PFKM: variants seen among roughly 807,000 people sequenced by gnomAD.
The protein encoded by PFKM is ATP-dependent 6-phosphofructokinase, muscle type.
Under a neutral mutation model 95.5 loss-of-function variants are expected in PFKM, and 58 were observed. The ratio of observed to expected loss-of-function variants is 0.61; its 90% CI spans 0.49 to 0.76. PFKM has a LOEUF of 0.76. PFKM is among the 30% of genes least tolerant of loss of function. The pLI is 0.00. For missense variants in PFKM, 678 were observed against 1,005.4 expected, an observed-to-expected ratio of 0.67 and a Z score of 4.40; for synonymous variants, 336 against 357.2, an observed-to-expected ratio of 0.94 and a Z score of 0.67.
chr12:48,129,227 T>TTTTTTTTTTTTTTTTTTTTTTTTG, intron 2 of PFKM, among the ~76,000 whole-genome samples: 1 of 123,940 alleles, frequency 8.1e-6, no homozygotes, highest in Non-Finnish European at 1.7e-5. Context: ...TTTTTTTTTT[T>TTTTTTTTTTTTTTTTTTTTTTTTG]TTTTTTTTTT....
At chr12:48,135,673 A>T (rs1400731197) in intron 10 of PFKM, among the ~76,000 whole-genome samples, 2 of 152,176 alleles carry the variant, frequency 1.3e-5, no homozygotes, top group African/African-American at 4.8e-5. Flanking sequence ...GTAGATTCAC[A>T]TGCAGTTGTA....
intron 3 of PFKM, among the ~76,000 whole-genome samples, chr12:48,114,313 G>A (rs1293128005): frequency 1.3e-5 from 2 of 152,194 alleles, no homozygotes. Context: ...GAGCCTAAAC[G>A]CTGGCTGATT....
In PFKM at chr12:48,145,948, T is replaced by G. The variant is rs1951010509; in HGVS notation, c.*240T>G. ...TATCTGTCACACAAGGCTGGGCACC[T>G]CTAGTGCTACTGCTAGATATCACTT... On this transcript the variant is annotated 3_prime_UTR_variant, in exon 23 of 23. Transcript: ENST00000359794. This position sits in a 1 kb window ranked among gnomAD's most constrained non-coding sequence, Gnocchi z 4.3. 1.8e-6 allele frequency: 1 copy of G among 552,366 alleles called. No homozygotes were observed. The highest frequency in any genetic ancestry group is 1.9e-5 in the African/African-American group (1 of 53,052). The allele number at this position is 552,366 out of a possible 1,614,324, so 34.2% of individuals were successfully genotyped here.
At chr12:48,133,083 G>T (rs1465305145) in intron 5 of PFKM, 26 bp downstream of exon 5, 1 of 1,603,680 alleles carries the variant, frequency 6.2e-7, no homozygotes, top group South Asian at 1.1e-5. Flanking sequence ...CATCAGTATT[G>T]CTTATTTGTG....
chr12:48,111,539 A>G (rs1476210344), intron 3 of PFKM, among the ~76,000 whole-genome samples: 6 of 152,236 alleles, frequency 3.9e-5, no homozygotes, highest in Non-Finnish European at 7.3e-5. Flanking sequence ...AGTTAAGACA[A>G]TGAGTTCAGC....
Position 48,145,258 on chromosome 12 carries a change from G to T in PFKM, c.2141G>T (p.Arg714Leu). ...TPDSGCVLGM[R>L]KRALVFQPVA... ...GATTCGGGCTGTGTTCTGGGGATGCGTAAGAGGGCTCTGGTCTTCCAACCA... is the reference window on the plus strand; with the variant it reads ...GATTCGGGCTGTGTTCTGGGGATGCTTAAGAGGGCTCTGGTCTTCCAACCA... The change falls in exon 22 of 23, where the codon CGT becomes CTT. Residue 714 changes from arginine to leucine, a missense_variant. Transcript: ENST00000359794. The surrounding 1 kb of genome is among the most constrained non-coding windows in gnomAD (Gnocchi z 4.3). The T allele has an allele frequency of 6.2e-7, 1 of 1,614,116 alleles. No individual in the cohort carries two copies. Among genetic ancestry groups the T allele is most frequent in the Non-Finnish European group, 8.5e-7 (1 of 1,179,998 alleles).
chr12:48,105,821 G>T, upstream of PFKM: 2 of 595,460 alleles, frequency 3.4e-6, no homozygotes, highest in Admixed American at 3.0e-5. Context: ...GTAGCCTAAC[G>T]GCCACCGGCG....
chr12:48,131,186 G>A (rs1211396753), intron 3 of PFKM, 130 bp from the exon 4 acceptor site: 5 of 732,124 alleles, frequency 6.8e-6, no homozygotes, highest in Non-Finnish European at 1.0e-5. Context: ...ATAGTCTCAC[G>A]AGCATCCAGG....
rs1410871467 is a variant in PFKM at position 48,146,349 on chromosome 12, TCTTTGC to T, written c.*642_*647del. On this transcript the variant is annotated 3_prime_UTR_variant, in exon 23 of 23. Coordinates refer to ENST00000359794, the MANE Select transcript of PFKM (RefSeq NM_000289.6). Reference sequence around the variant, plus strand: ...GTCAGGGAATAAGGCAGCCAAATACTCTTTGCACAGTTCTTTAGTGGGAAGAGAAAT... The same window carrying T: ...GTCAGGGAATAAGGCAGCCAAATACTACAGTTCTTTAGTGGGAAGAGAAAT... 1 of 155,024 alleles carries T rather than the reference TCTTTGC, an allele frequency of 6.5e-6. No homozygotes were observed. Among genetic ancestry groups the T allele is most frequent in the Non-Finnish European group, 1.4e-5 (1 of 69,804 alleles). The allele number at this position is 155,024 out of a possible 1,614,324, so 9.6% of individuals were successfully genotyped here.
chr12:48,141,609 A>AG (rs1950579665), intron 15 of PFKM, 131 bp from the exon 16 acceptor site: 1 of 718,402 alleles, frequency 1.4e-6, no homozygotes, highest in South Asian at 1.4e-5. Flanking sequence ...AGGGTGGGCT[A>AG]GGGAGGGCGG....
chr12:48,132,658 C>T (rs1949629862), intron 4 of PFKM: 1 of 604,252 alleles, frequency 1.7e-6, no homozygotes, highest in Non-Finnish European at 3.0e-6. Context: ...GCAGTCTTCT[C>T]AGATGTGTAG....
chr12:48,134,227 T>TG lies in PFKM; in HGVS notation c.594-4dup. The TG allele has an allele frequency of 6.2e-7, 1 of 1,613,566 alleles. No individual in the cohort carries two copies. Among genetic ancestry groups the TG allele is most frequent in the Non-Finnish European group, 8.5e-7 (1 of 1,179,456 alleles). On this transcript the variant is annotated splice_region_variant and splice_polypyrimidine_tract_variant and intron_variant, in intron 6 of 22. Transcript: ENST00000359794. ...TGGACTGTGTCATATGTCTATCTCT[T>TG]GCAGCCACCAGAGGACATTTGTGTT...
chr12:48,145,306 C>T lies in PFKM; in HGVS notation c.2189C>T (p.Thr730Ile). The change falls in exon 22 of 23, where the codon ACA becomes ATA. Residue 730 changes from threonine to isoleucine, a missense_variant. Transcript: ENST00000359794. The surrounding 1 kb of genome is among the most constrained non-coding windows in gnomAD (Gnocchi z 4.3). The part of the protein sequence containing the change: ...FQPVAELKDQ[T>I]DFEHRIPKEQ... ...CCAGTGGCTGAGCTGAAGGACCAGA[C>T]AGATTTTGAGTGAGTACATCTGCTT... The T allele has an allele frequency of 6.2e-7, 1 of 1,613,004 alleles. No homozygotes were observed. The highest frequency in any genetic ancestry group is 8.5e-7 in the Non-Finnish European group (1 of 1,179,068).
intron 10 of PFKM, among the ~76,000 whole-genome samples, chr12:48,135,820 A>T (rs1415587672): frequency 6.6e-6 from 1 of 152,122 alleles, no homozygotes; most frequent in Non-Finnish European, 1.5e-5. Flanking sequence ...TTCTGTTACC[A>T]CAGGATATCT....
chr12:48,108,860 A>G (rs867989993), intron 3 of PFKM, among the ~76,000 whole-genome samples: 6 of 152,358 alleles, frequency 3.9e-5, no homozygotes, highest in South Asian at 2.1e-4. Context: ...CATTGCCCCA[A>G]TAGCTTACAC....
At chr12:48,108,435 A>G (rs1946900807) in intron 3 of PFKM, among the ~76,000 whole-genome samples, 2 of 152,168 alleles carry the variant, frequency 1.3e-5, no homozygotes, top group East Asian at 3.8e-4. Flanking sequence ...AATTGTAGGG[A>G]AACAGACACA....
At chr12:48,144,207 A>G in intron 20 of PFKM, 50 bp downstream of exon 20, 1 of 1,249,168 alleles carries the variant, frequency 8.0e-7, no homozygotes, top group Non-Finnish European at 1.2e-6. Flanking sequence ...CATACCTGCC[A>G]ACAGCCATAC....
chr12:48,122,213 G>A (rs1948357349), intron 1 of PFKM, among the ~76,000 whole-genome samples: 1 of 152,102 alleles, frequency 6.6e-6, no homozygotes, highest in Non-Finnish European at 1.5e-5. Context: ...TGCCTTTATA[G>A]CCTCAGACTC....
intron 1 of PFKM, among the ~76,000 whole-genome samples, chr12:48,107,140 C>G (rs906100788): frequency 3.9e-5 from 6 of 152,140 alleles, no homozygotes; most frequent in African/African-American, 1.4e-4. Flanking sequence ...TTTCTGGAGG[C>G]CCCCAGCCTT....
Sources: allele counts gnomAD v4.1 joint callset (sites outside exome capture counted in the v4.1 genomes callset), GRCh38; gene constraint gnomAD v4.1.1; non-coding constraint Gnocchi (gnomAD v3.1); transcripts MANE v1.5; gene names NCBI Gene and HGNC (gene_info 2026-07-23, HGNC 2026-07-21).